Variants in NCALD observed in about 807,000 individuals in gnomAD.
NCALD encodes the protein neurocalcin delta.
A neutral mutation model predicts 18.6 loss-of-function variants in NCALD; 10 were observed. The ratio of observed to expected loss-of-function variants is 0.54; its 90% CI spans 0.33 to 0.91. The LOEUF (loss-of-function observed/expected upper bound fraction) is 0.91, where lower values mean the gene tolerates loss of function less well. Ranked by LOEUF, NCALD falls within the 40% of genes least tolerant of loss-of-function variation. The pLI, the probability that NCALD is intolerant of heterozygous loss-of-function variation, is 0.03. For missense variants in NCALD, 184 were observed against 247.6 expected (o/e 0.74, Z 1.72); for synonymous variants, 88 against 87.4 (o/e 1.01, Z -0.04).
chr8:101,828,501 C>T (rs1814033227), intron 4 of NCALD, among the ~76,000 whole-genome samples: 1 of 152,064 alleles, frequency 6.6e-6, no homozygotes, highest in Non-Finnish European at 1.5e-5. Context: ...CAGTGATGCT[C>T]TCTCTGATGA....
At chr8:101,999,367 C>A (rs1821360596) in intron 2 of NCALD, among the ~76,000 whole-genome samples, 2 of 152,168 alleles carry the variant, frequency 1.3e-5, no homozygotes, top group Admixed American at 1.3e-4. Context: ...ATGGCATTCA[C>A]AGCAACCTGG....
At chr8:102,120,944 T>C (rs1055994745) in intron 1 of NCALD, among the ~76,000 whole-genome samples, 4 of 152,204 alleles carry the variant, frequency 2.6e-5, no homozygotes, top group African/African-American at 7.2e-5. Flanking sequence ...AATGATATTC[T>C]CTAGGATAGG....
At chr8:101,963,161 C>T (rs186103169) in intron 2 of NCALD, among the ~76,000 whole-genome samples, 1 of 152,250 alleles carries the variant, frequency 6.6e-6, no homozygotes, top group Non-Finnish European at 1.5e-5. Flanking sequence ...CACTGAAAGA[C>T]CCTCAAAAAG....
At chr8:101,855,939 G>A (rs915356914) in intron 4 of NCALD, among the ~76,000 whole-genome samples, 10 of 152,196 alleles carry the variant, frequency 6.6e-5, no homozygotes, top group Admixed American at 2.0e-4. Context: ...GTCCAGAGAC[G>A]ATCAAATATA....
chr8:101,739,626 T>C (rs1375061771), intron 1 of NCALD, among the ~76,000 whole-genome samples: 1 of 149,684 alleles, frequency 6.7e-6, no homozygotes. Context: ...TCCATCTTTC[T>C]CCCCTGCTGG....
At chr8:102,028,537 C>T (rs1048050016) in intron 1 of NCALD, among the ~76,000 whole-genome samples, 3 of 152,196 alleles carry the variant, frequency 2.0e-5, no homozygotes, top group Admixed American at 6.5e-5. Context: ...TTGGGGAACC[C>T]AACCTTCTGA....
At chr8:102,062,896 G>A (rs188715109) in intron 1 of NCALD, among the ~76,000 whole-genome samples, 2 of 152,178 alleles carry the variant, frequency 1.3e-5, no homozygotes, top group African/African-American at 2.4e-5. Context: ...ATAGAGGTGG[G>A]GTCAGAGAGG....
At chr8:101,782,076 G>A (rs28676659) in intron 1 of NCALD, among the ~76,000 whole-genome samples, 12,420 of 34,362 alleles carry the variant, frequency 0.36, 1,068 homozygotes, top group African/African-American at 0.42. Flanking sequence ...TATATATATT[G>A]TATGTTTTAT....
At chr8:101,747,045 G>A (rs913583015) in intron 1 of NCALD, among the ~76,000 whole-genome samples, 5 of 152,082 alleles carry the variant, frequency 3.3e-5, no homozygotes, top group African/African-American at 4.8e-5. Context: ...CCAACTCTAC[G>A]ATATCCAGTA....
chr8:101,944,541 G>T (rs974132172), intron 2 of NCALD, among the ~76,000 whole-genome samples: 2 of 152,204 alleles, frequency 1.3e-5, no homozygotes, highest in Admixed American at 6.5e-5. Flanking sequence ...AATGGCACAT[G>T]CTGGCTTTTC....
At chr8:101,876,195 A>G (rs1816219845) in intron 4 of NCALD, among the ~76,000 whole-genome samples, 1 of 152,230 alleles carries the variant, frequency 6.6e-6, no homozygotes, top group Non-Finnish European at 1.5e-5. Context: ...AGAAGAAAGG[A>G]GGGCTTGGAT....
chr8:101,747,091 T>C (rs1466801679), intron 1 of NCALD, among the ~76,000 whole-genome samples: 1 of 152,188 alleles, frequency 6.6e-6, no homozygotes, highest in Non-Finnish European at 1.5e-5. Flanking sequence ...TTTAGACACC[T>C]CTGCTTTGGA....
At chr8:101,818,921 T>C (rs1282744688) in intron 4 of NCALD, among the ~76,000 whole-genome samples, 1 of 152,114 alleles carries the variant, frequency 6.6e-6, no homozygotes, top group Non-Finnish European at 1.5e-5. Flanking sequence ...AGAGAATCTC[T>C]TGAATCTGGG....
intron 3 of NCALD, among the ~76,000 whole-genome samples, chr8:101,897,479 C>T (rs1178309855): frequency 6.6e-6 from 1 of 150,538 alleles, no homozygotes; most frequent in Non-Finnish European, 1.5e-5. Flanking sequence ...AACTAACCTG[C>T]ACAATGTGCA....
intron 1 of NCALD, among the ~76,000 whole-genome samples, chr8:102,053,158 T>C (rs1455835770): frequency 6.6e-6 from 1 of 152,154 alleles, no homozygotes; most frequent in Non-Finnish European, 1.5e-5. Context: ...ACTCTTTGTC[T>C]GTATGTTTAA....
At chr8:101,795,655 T>C (rs1016427186), upstream of NCALD, among the ~76,000 whole-genome samples, 7 of 152,162 alleles carry the variant, frequency 4.6e-5, no homozygotes, top group African/African-American at 1.7e-4. Context: ...ACATATGAAT[T>C]TGGGGAAGAC....
chr8:102,114,006 G>A (rs1304428693), intron 1 of NCALD, among the ~76,000 whole-genome samples: 2 of 152,244 alleles, frequency 1.3e-5, no homozygotes, highest in Non-Finnish European at 2.9e-5. Flanking sequence ...TCACTCCGTA[G>A]AACTAATGCT....
At chr8:101,823,532 T>C (rs1422238325) in intron 4 of NCALD, among the ~76,000 whole-genome samples, 1 of 152,076 alleles carries the variant, frequency 6.6e-6, no homozygotes, top group Non-Finnish European at 1.5e-5. Flanking sequence ...TGGACAATCC[T>C]GGCAAGACGT....
At chr8:101,770,727 T>C (rs1811549832) in intron 1 of NCALD, among the ~76,000 whole-genome samples, 1 of 152,212 alleles carries the variant, frequency 6.6e-6, no homozygotes, top group Admixed American at 6.5e-5. Flanking sequence ...ACAGCCACAG[T>C]CAAGATTTCC....
Sources: allele counts gnomAD v4.1 joint callset (sites outside exome capture counted in the v4.1 genomes callset), GRCh38; gene constraint gnomAD v4.1.1; transcripts MANE v1.5; gene names NCBI Gene and HGNC (gene_info 2026-07-23, HGNC 2026-07-21).